The following IL7 variants were observed in gnomAD, a reference collection of about 807,000 sequenced individuals.
The protein encoded by IL7 is interleukin 7.
A neutral mutation model predicts 21.6 loss-of-function variants in IL7; 3 were observed. The ratio of observed to expected loss-of-function variants is 0.14; its 90% CI spans 0.06 to 0.36. The LOEUF (loss-of-function observed/expected upper bound fraction) is 0.36. Ranked by LOEUF, IL7 falls within the 10% of genes least tolerant of loss-of-function variation. The pLI, the probability that IL7 is intolerant of heterozygous loss-of-function variation, is 1.00. For synonymous variants in IL7, 62 were observed against 68.1 expected (o/e 0.91, Z 0.44); for missense variants, 175 against 200.2 (o/e 0.87, Z 0.76).
intron 2 of IL7, among the ~76,000 whole-genome samples, chr8:78,754,964 G>C (rs1470948771): frequency 6.6e-6 from 1 of 151,882 alleles, no homozygotes; most frequent in Non-Finnish European, 1.5e-5. Context: ...TATATTTCTG[G>C]GTTTCATGTT....
At chr8:78,693,451 G>C (rs1179683991) in intron 3 of IL7, among the ~76,000 whole-genome samples, 2 of 152,176 alleles carry the variant, frequency 1.3e-5, no homozygotes, top group Non-Finnish European at 2.9e-5. Flanking sequence ...GTATCTCATT[G>C]TGGTTTTGAT....
At chr8:78,776,284 G>A (rs1203948098) in intron 2 of IL7, among the ~76,000 whole-genome samples, 3 of 152,014 alleles carry the variant, frequency 2.0e-5, no homozygotes, top group Non-Finnish European at 4.4e-5. Context: ...TCCACAGCCC[G>A]GTTCTGCTAG....
At position 78,755,454 on chromosome 8, in the gene IL7, A is replaced by G. The variant is rs559869481; in HGVS notation, c.148-15372T>C. 5.9e-5 allele frequency among the ~76,000 whole-genome samples: 9 copies of G among 152,206 alleles called. No homozygotes were observed. The South Asian group carries it at 1.7e-3, about 28-fold the overall frequency. On this transcript the variant is annotated intron_variant, in intron 2 of 5. Transcript: ENST00000263851. ...TTAACAATATTAATTTTTCCAATCC[A>G]TAGGCATATTATATCTTTACAGTTG...
chr8:78,785,105 T>A (rs1233147789), intron 2 of IL7, among the ~76,000 whole-genome samples: 2 of 152,114 alleles, frequency 1.3e-5, no homozygotes, highest in Non-Finnish European at 2.9e-5. Context: ...CATTTCCACC[T>A]TTAGAATTAT....
intron 5 of IL7, among the ~76,000 whole-genome samples, chr8:78,735,260 A>ATTT (rs1554536732): frequency 7.8e-6 from 1 of 128,348 alleles, no homozygotes; most frequent in African/African-American, 2.9e-5. Flanking sequence ...CTGGGAAAAT[A>ATTT]GTTATCTTTT....
intron 2 of IL7, among the ~76,000 whole-genome samples, chr8:78,793,685 C>T (rs1304772943): frequency 1.3e-5 from 2 of 152,010 alleles, no homozygotes; most frequent in Non-Finnish European, 2.9e-5. Context: ...TAAAATGAGG[C>T]AACAATGAAG....
At chr8:78,711,583 GAAAT>G (rs1810952017) in intron 3 of IL7, among the ~76,000 whole-genome samples, 1 of 152,072 alleles carries the variant, frequency 6.6e-6, no homozygotes, top group African/African-American at 2.4e-5. Context: ...AAAAAGCACG[GAAAT>G]AAATAATATG....
At chr8:78,763,378 T>C (rs902323405) in intron 2 of IL7, among the ~76,000 whole-genome samples, 3 of 152,262 alleles carry the variant, frequency 2.0e-5, no homozygotes, top group Non-Finnish European at 4.4e-5. Flanking sequence ...GAGAAATTAG[T>C]AATATTTTAT....
chr8:78,679,829 T>G (rs1162763009), intron 4 of IL7, among the ~76,000 whole-genome samples: 1 of 152,212 alleles, frequency 6.6e-6, no homozygotes, highest in African/African-American at 2.4e-5. Context: ...TGTTTTTTAC[T>G]GTGAACATTT....
At chr8:78,684,965 A>C (rs1175984116) in intron 4 of IL7, among the ~76,000 whole-genome samples, 1 of 152,212 alleles carries the variant, frequency 6.6e-6, no homozygotes, top group African/African-American at 2.4e-5. Flanking sequence ...ATTTTTAAAA[A>C]TTAGACAAGT....
chr8:78,731,882 G>T (rs966539725), downstream of IL7, among the ~76,000 whole-genome samples: 2 of 151,930 alleles, frequency 1.3e-5, no homozygotes. Context: ...TTTTAATAGC[G>T]TTTTTAAACA....
chr8:78,792,362 T>C (rs1209318264), intron 2 of IL7, among the ~76,000 whole-genome samples: 1 of 152,148 alleles, frequency 6.6e-6, no homozygotes, highest in Non-Finnish European at 1.5e-5. Context: ...AAATCTTTGT[T>C]GTCTTGGATT....
chr8:78,697,712 T>TTTTTTTTTTTTTTTTCC, intron 3 of IL7, among the ~76,000 whole-genome samples: 1 of 151,266 alleles, frequency 6.6e-6, no homozygotes, highest in Admixed American at 6.6e-5. Context: ...GGAGTCTTGC[T>TTTTTTTTTTTTTTTTCC]CTGTTGCCCA....
At chr8:78,758,560 G>A (rs1398143386) in intron 2 of IL7, among the ~76,000 whole-genome samples, 1 of 151,914 alleles carries the variant, frequency 6.6e-6, no homozygotes, top group African/African-American at 2.4e-5. Flanking sequence ...ATTTCCTTCA[G>A]TTTTTACTTG....
intron 2 of IL7, among the ~76,000 whole-genome samples, chr8:78,784,188 T>C (rs1190553818): frequency 1.3e-5 from 2 of 152,166 alleles, no homozygotes; most frequent in African/African-American, 4.8e-5. Context: ...CTCTAATGAA[T>C]GGTGGTAGTG....
chr8:78,720,607 A>G (rs1472541164), intron 5 of IL7, among the ~76,000 whole-genome samples: 3 of 151,848 alleles, frequency 2.0e-5, no homozygotes, highest in Non-Finnish European at 1.5e-5. Context: ...ACGAAACTAC[A>G]GAGATTTATA....
intron 2 of IL7, among the ~76,000 whole-genome samples, chr8:78,796,907 T>C (rs910073773): frequency 6.6e-6 from 1 of 152,000 alleles, no homozygotes; most frequent in African/African-American, 2.4e-5. Flanking sequence ...TGTAGGTATT[T>C]ACCTGAGTTG....
At chr8:78,701,141 A>G (rs1810589496) in intron 3 of IL7, among the ~76,000 whole-genome samples, 1 of 152,062 alleles carries the variant, frequency 6.6e-6, no homozygotes, top group East Asian at 1.9e-4. Context: ...ATATTTTTTC[A>G]TTTATTTGTG....
chr8:78,780,968 C>A (rs562504672), intron 2 of IL7, among the ~76,000 whole-genome samples: 1 of 152,072 alleles, frequency 6.6e-6, no homozygotes, highest in Admixed American at 6.5e-5. Context: ...TGAATTGAAC[C>A]CTTTACAATT....
Sources: allele counts gnomAD v4.1 joint callset (sites outside exome capture counted in the v4.1 genomes callset), GRCh38; gene constraint gnomAD v4.1.1; transcripts MANE v1.5; gene names NCBI Gene and HGNC (gene_info 2026-07-23, HGNC 2026-07-21).